SNTG1: variants seen among roughly 807,000 people sequenced by gnomAD.
The protein encoded by SNTG1 is gamma-1-syntrophin.
A neutral mutation model predicts 74.7 loss-of-function variants in SNTG1; 39 were observed. That is an observed-to-expected ratio of 0.52 (90% CI 0.40 to 0.68). The LOEUF (loss-of-function observed/expected upper bound fraction) is 0.68, where lower values mean the gene tolerates loss of function less well. SNTG1 is among the 30% of genes least tolerant of loss of function. The pLI is 0.00. For synonymous variants in SNTG1, 254 were observed against 217.1 expected, an observed-to-expected ratio of 1.17 and a Z score of -1.49; for missense variants, 685 against 609.5, an observed-to-expected ratio of 1.12 and a Z score of -1.30.
chr8:50,191,829 G>C (rs2083589988), intron 2 of SNTG1, among the ~76,000 whole-genome samples: 1 of 152,056 alleles, frequency 6.6e-6, no homozygotes, highest in Admixed American at 6.6e-5. Context: ...AATCACCATT[G>C]AATATTTGTC....
chr8:50,125,233 T>A (rs2081103615), intron 1 of SNTG1, among the ~76,000 whole-genome samples: 1 of 142,386 alleles, frequency 7.0e-6, no homozygotes, highest in Non-Finnish European at 1.6e-5. Context: ...CTCCTCTAAA[T>A]GTGAAATTAA....
At chr8:50,366,854 A>G (rs922493045) in intron 2 of SNTG1, among the ~76,000 whole-genome samples, 2 of 145,304 alleles carry the variant, frequency 1.4e-5, no homozygotes, top group Non-Finnish European at 3.0e-5. Flanking sequence ...GGCCTATATT[A>G]TATATATTAT....
intron 8 of SNTG1, among the ~76,000 whole-genome samples, chr8:50,496,964 A>G (rs1307817790): frequency 2.3e-5 from 3 of 132,664 alleles, no homozygotes; most frequent in African/African-American, 5.2e-5. Context: ...ATGCATTTAA[A>G]GCATAGAAGA....
rs1382001357 is a variant in SNTG1 at position 50,173,437 on chromosome 8, A to G, written c.-28+802A>G. ...AGTAAGATTCATCAAACTCACTGAT[A>G]TATGTTGGGTTTCAATGAGTGCCAG... On this transcript the variant is annotated intron_variant, in intron 2 of 18. Coordinates refer to ENST00000642720, the MANE Select transcript of SNTG1 (RefSeq NM_018967.5). 3.9e-5 allele frequency among the ~76,000 whole-genome samples: 6 copies of G among 152,128 alleles called. No individual in the cohort carries two copies. The East Asian group carries it at 9.6e-4, about 24-fold the overall frequency.
At chr8:50,423,266 G>A (rs893973007) in intron 4 of SNTG1, among the ~76,000 whole-genome samples, 9 of 152,094 alleles carry the variant, frequency 5.9e-5, no homozygotes, top group African/African-American at 2.2e-4. Flanking sequence ...TTTTAAATCA[G>A]TTTGTTCTCT....
chr8:50,173,829 A>T (rs1343082659), intron 2 of SNTG1, among the ~76,000 whole-genome samples: 1 of 152,188 alleles, frequency 6.6e-6, no homozygotes, highest in Non-Finnish European at 1.5e-5. Flanking sequence ...TTATCTTTTT[A>T]AAAAATTTTA....
chr8:50,287,507 G>A (rs1000469468), intron 2 of SNTG1, among the ~76,000 whole-genome samples: 2 of 137,378 alleles, frequency 1.5e-5, no homozygotes, highest in African/African-American at 2.5e-5. Context: ...CAAGCACAAA[G>A]GTGCCCTGGG....
intron 17 of SNTG1, among the ~76,000 whole-genome samples, chr8:50,713,119 CA>C (rs1315465526): frequency 6.6e-6 from 1 of 152,176 alleles, no homozygotes; most frequent in Non-Finnish European, 1.5e-5. Flanking sequence ...TCCCCACCAA[CA>C]GTATAAAAGT....
At chr8:50,360,167 A>G (rs530552844) in intron 2 of SNTG1, among the ~76,000 whole-genome samples, 7 of 152,122 alleles carry the variant, frequency 4.6e-5, no homozygotes, top group African/African-American at 9.6e-5. Context: ...TTGTGTTCCT[A>G]TGATCAAACT....
intron 2 of SNTG1, among the ~76,000 whole-genome samples, chr8:50,304,971 C>T (rs1439061251): frequency 1.3e-5 from 2 of 152,034 alleles, no homozygotes; most frequent in Non-Finnish European, 2.9e-5. Context: ...GGCATGATCT[C>T]GGCTCACTGC....
intron 17 of SNTG1, among the ~76,000 whole-genome samples, chr8:50,723,125 C>A (rs914506147): frequency 2.0e-5 from 3 of 152,102 alleles, no homozygotes; most frequent in South Asian, 2.1e-4. Flanking sequence ...CCACATTTGA[C>A]TTCCTTGTTC....
At chr8:50,167,828 A>G (rs997333316) in intron 1 of SNTG1, among the ~76,000 whole-genome samples, 1 of 150,274 alleles carries the variant, frequency 6.7e-6, no homozygotes, top group Non-Finnish European at 1.5e-5. Flanking sequence ...AAAAAAAAAA[A>G]GGTAAAGAAA....
rs1267563103 is a variant in SNTG1 at position 50,402,239 on chromosome 8, T to C, written c.57T>C (p.Asp19=). 1.4e-5 allele frequency: 23 copies of C among 1,607,118 alleles called. No individual in the cohort carries two copies. Among genetic ancestry groups the C allele is most frequent in the Non-Finnish European group, 1.8e-5 (21 of 1,178,328 alleles). Residue 19 remains aspartate (D), a synonymous_variant, in exon 4 of 19, where the codon GAT becomes GAC. Coordinates refer to ENST00000642720, the MANE Select transcript of SNTG1 (RefSeq NM_018967.5). ...ETKTGICLLQ[D]GNQEPFKVRL... is the part of the protein sequence containing the mutation. Reference sequence around the variant, plus strand: ...AGACAGGAATTTGTTTGCTGCAGGATGGTAACCAGGAGCCTTTCAAAGTGC... The same window carrying C: ...AGACAGGAATTTGTTTGCTGCAGGACGGTAACCAGGAGCCTTTCAAAGTGC...
chr8:50,108,419 A>C (rs1364899365), intron 1 of SNTG1, among the ~76,000 whole-genome samples: 1 of 152,178 alleles, frequency 6.6e-6, no homozygotes, highest in African/African-American at 2.4e-5. Flanking sequence ...CTTTGCAATA[A>C]TTTCACATGG....
chr8:50,774,230 C>G (rs2095634266), intron 18 of SNTG1, among the ~76,000 whole-genome samples: 3 of 151,816 alleles, frequency 2.0e-5, no homozygotes, highest in Admixed American at 1.3e-4. Flanking sequence ...CAGCTGAAAA[C>G]TTCTCAAATT....
intron 8 of SNTG1, among the ~76,000 whole-genome samples, chr8:50,499,551 C>T (rs756978363): frequency 2.0e-5 from 3 of 150,934 alleles, no homozygotes; most frequent in Non-Finnish European, 4.4e-5. Flanking sequence ...CTGCCTAGTA[C>T]CTTTATGGAA....
rs550736945 is a variant in SNTG1 at position 50,413,442 on chromosome 8, C to G, written c.162+11098C>G. Among the ~76,000 whole-genome samples the G allele has an allele frequency of 2.1e-3, 316 of 152,216 alleles. 2 individuals are homozygous for G. Among genetic ancestry groups the G allele is most frequent in the African/African-American group, 7.3e-3 (305 of 41,536 alleles). On this transcript the variant is annotated intron_variant, in intron 4 of 18. Coordinates refer to ENST00000642720, the MANE Select transcript of SNTG1 (RefSeq NM_018967.5). The stretch of plus-strand genomic sequence containing the variant: ...TTTGGAGTTTGAGAAAGTCTGCCAT[C>G]TATCTATTTTTTCTTTGTAGGAAAA...
At chr8:50,568,227 T>TTGTTTTTGTGTGTGTG (rs140888701) in intron 12 of SNTG1, among the ~76,000 whole-genome samples, 1 of 146,282 alleles carries the variant, frequency 6.8e-6, no homozygotes, top group African/African-American at 2.5e-5. Context: ...TTGTCCATGT[T>TTGTTTTTGTGTGTGTG]TGTGTGTGTG....
intron 1 of SNTG1, among the ~76,000 whole-genome samples, chr8:49,941,904 A>G (rs1020620576): frequency 1.3e-5 from 2 of 152,224 alleles, no homozygotes; most frequent in Admixed American, 6.5e-5. Flanking sequence ...AGTATGCAAG[A>G]CCTACTGTGA....
Sources: allele counts gnomAD v4.1 joint callset (sites outside exome capture counted in the v4.1 genomes callset), GRCh38; gene constraint gnomAD v4.1.1; transcripts MANE v1.5; gene names NCBI Gene and HGNC (gene_info 2026-07-23, HGNC 2026-07-21).